AAMDC: variants seen among roughly 807,000 people sequenced by gnomAD.
AAMDC encodes mth938 domain-containing protein.
A neutral mutation model predicts 15.5 loss-of-function variants in AAMDC; 16 were observed. The observed-to-expected ratio is 1.03, with a 90% confidence interval of 0.70 to 1.57. The LOEUF (loss-of-function observed/expected upper bound fraction) is 1.57. AAMDC is among the 40% of genes most tolerant of loss of function. The pLI, the probability that AAMDC is intolerant of heterozygous loss-of-function variation, is 0.00. For missense variants in AAMDC, 141 were observed against 144.9 expected, an observed-to-expected ratio of 0.97 and a Z score of 0.14; for synonymous variants, 51 against 51.6, an observed-to-expected ratio of 0.99 and a Z score of 0.05.
intron 5 of AAMDC, chr11:77,878,818 C>G: frequency 2.6e-6 from 2 of 769,980 alleles, no homozygotes; most frequent in South Asian, 1.5e-5. Flanking sequence ...GTGTTTGATA[C>G]CAGATGAGAC....
chr11:77,901,374 T>C (rs1204184297), downstream of AAMDC: 7 of 1,600,188 alleles, frequency 4.4e-6, no homozygotes, highest in South Asian at 7.7e-5. Context: ...ATTTGAAGTA[T>C]CTTTGAAAGG....
At chr11:77,853,482 G>A (rs759410409) in intron 2 of AAMDC, among the ~76,000 whole-genome samples, 3 of 152,052 alleles carry the variant, frequency 2.0e-5, no homozygotes, top group African/African-American at 4.8e-5. Flanking sequence ...TCACTATCAC[G>A]AGAACAGCAA....
intron 1 of AAMDC, among the ~76,000 whole-genome samples, chr11:77,826,977 C>T (rs1949205521): frequency 1.3e-5 from 2 of 152,010 alleles, no homozygotes. Flanking sequence ...TGGTGGCACA[C>T]ACCCGTCGTC....
At chr11:77,829,542 A>G (rs1949326325) in intron 1 of AAMDC, 1 of 152,084 alleles carries the variant, frequency 6.6e-6, no homozygotes, top group South Asian at 2.1e-4. Context: ...ATGCTGAGAA[A>G]ACTGGAGATC....
chr11:77,881,248 G>T (rs974749044), intron 5 of AAMDC, among the ~76,000 whole-genome samples: 1 of 152,134 alleles, frequency 6.6e-6, no homozygotes, highest in Non-Finnish European at 1.5e-5. Context: ...ACTTTCTCAG[G>T]ATCACACAGC....
intron 1 of AAMDC, among the ~76,000 whole-genome samples, chr11:77,826,236 C>A (rs959709919): frequency 2.6e-5 from 4 of 151,966 alleles, no homozygotes; most frequent in African/African-American, 7.3e-5. Flanking sequence ...GTGGTGCATG[C>A]CTGTAGTCCC....
At position 77,892,853 on chromosome 11, in the gene AAMDC, G is replaced by T. The variant is rs1031643012; in HGVS notation, c.329-7718G>T. 4.6e-5 allele frequency among the ~76,000 whole-genome samples: 7 copies of T among 152,290 alleles called. No individual in the cohort carries two copies. In the East Asian group the frequency reaches 9.7e-4, roughly 21 times the overall value. ...CCGCCTCAGCCTCCCAAAGTGCTGG[G>T]ATTACAGGCGTGAGCCACCGTGCCC... is the stretch of plus-strand genomic sequence containing the variant. On this transcript the variant is annotated intron_variant, in intron 5 of 5. Transcript: ENST00000304716.
chr11:77,828,318 C>A (rs957247874), intron 1 of AAMDC, among the ~76,000 whole-genome samples: 1 of 151,760 alleles, frequency 6.6e-6, no homozygotes, highest in Admixed American at 6.6e-5. Context: ...ATATCAATAA[C>A]TCCATTTACA....
rs565472544 is a variant in AAMDC at position 77,852,239 on chromosome 11, A to AG, written c.132+9611_132+9612insG. The stretch of plus-strand genomic sequence containing the variant: ...GACACTGTCTCAAAAAAAAAAAAAA[A>AG]AAGAAGAAGAAGAAGAAGTTCAAAG... On this transcript the variant is annotated intron_variant, in intron 2 of 3. Transcript: ENST00000393427. Among the ~76,000 whole-genome samples the AG allele has an allele frequency of 9.9e-4, 133 of 133,834 alleles. 1 individual carries two copies. The highest frequency in any genetic ancestry group is 1.3e-3 in the Admixed American group (17 of 12,792). The allele number at this position is 133,834 out of a possible 152,430, so 87.8% of individuals were successfully genotyped here. A position where few individuals can be genotyped will look rare whatever the true frequency, so the allele number is the denominator to read the frequency against.
chr11:77,903,498 T>C, downstream of AAMDC: 2 of 1,607,970 alleles, frequency 1.2e-6, no homozygotes, highest in Non-Finnish European at 1.7e-6. Flanking sequence ...AGACAATTAC[T>C]GGACAGAGAC....
At chr11:77,829,181 TAGAG>T (rs555608738) in intron 1 of AAMDC, among the ~76,000 whole-genome samples, 38 of 142,964 alleles carry the variant, frequency 2.7e-4, no homozygotes, top group African/African-American at 9.2e-4. Flanking sequence ...AGAACAGAAA[TAGAG>T]AGAGAGCTCT....
At chr11:77,823,766 T>C (rs1230147747) in intron 1 of AAMDC, among the ~76,000 whole-genome samples, 2 of 152,260 alleles carry the variant, frequency 1.3e-5, no homozygotes, top group East Asian at 1.9e-4. Context: ...AAAATAAAAT[T>C]GTATCTTTGT....
At chr11:77,897,834 G>A (rs1359889639) in intron 5 of AAMDC, among the ~76,000 whole-genome samples, 2 of 151,578 alleles carry the variant, frequency 1.3e-5, no homozygotes, top group African/African-American at 4.9e-5. Context: ...TAAGACATAG[G>A]GTCTTGTTCT....
At chr11:77,856,458 T>C (rs1197067108) in intron 2 of AAMDC, among the ~76,000 whole-genome samples, 1 of 152,206 alleles carries the variant, frequency 6.6e-6, no homozygotes, top group Non-Finnish European at 1.5e-5. Context: ...CATTTTTTAG[T>C]ATCTTTATAG....
intron 2 of AAMDC, among the ~76,000 whole-genome samples, chr11:77,868,506 G>C (rs945362447): frequency 6.6e-6 from 1 of 151,280 alleles, no homozygotes; most frequent in Non-Finnish European, 1.5e-5. Context: ...CTACAGGCAC[G>C]CGCCACCACA....
chr11:77,830,702 G>C (rs941326620), intron 1 of AAMDC, among the ~76,000 whole-genome samples: 1 of 152,036 alleles, frequency 6.6e-6, no homozygotes, highest in Middle Eastern at 3.4e-3. Context: ...ACAGGATTGG[G>C]TGCTCTACAA....
intron 1 of AAMDC, among the ~76,000 whole-genome samples, chr11:77,825,264 G>A (rs1374035442): frequency 6.6e-6 from 1 of 151,918 alleles, no homozygotes; most frequent in Non-Finnish European, 1.5e-5. Context: ...TTACAGGCAT[G>A]AGCCACCAGG....
chr11:77,847,827 G>A (rs1001757832), intron 2 of AAMDC, among the ~76,000 whole-genome samples: 2 of 152,184 alleles, frequency 1.3e-5, no homozygotes, highest in Non-Finnish European at 2.9e-5. Context: ...TTTACTATAA[G>A]AAATTGACTT....
intron 1 of AAMDC, among the ~76,000 whole-genome samples, chr11:77,830,987 C>CAAAAAAAA (rs59283485): frequency 9.9e-6 from 1 of 100,514 alleles, no homozygotes; most frequent in Non-Finnish European, 2.0e-5. Context: ...CAAAATATAC[C>CAAAAAAAA]AAAAAAAAAA....
Sources: gnomAD v4.1 joint callset for allele counts (sites outside exome capture counted in the v4.1 genomes callset) on GRCh38, gnomAD v4.1.1 for gene constraint, MANE v1.5 for transcripts, NCBI Gene and HGNC (gene_info 2026-07-23, HGNC 2026-07-21) for gene names.